PRKN: variants seen among roughly 807,000 people sequenced by gnomAD.
PRKN encodes E3 ubiquitin-protein ligase parkin.
A neutral mutation model predicts 59.5 loss-of-function variants in PRKN; 56 were observed. The observed-to-expected ratio is 0.94, with a 90% CI of 0.76 to 1.18. PRKN has a LOEUF of 1.18. Among genes scored for constraint, PRKN ranks in the 50% most tolerant of loss-of-function variants. PRKN has a pLI of 0.00. For missense variants in PRKN, 657 were observed against 596.4 expected (o/e 1.10, Z -1.06); for synonymous variants, 250 against 222.1 (o/e 1.13, Z -1.12).
chr6:162,396,925 G>A (rs745887662), intron 2 of PRKN, among the ~76,000 whole-genome samples: 12 of 152,082 alleles, frequency 7.9e-5, no homozygotes, highest in Non-Finnish European at 1.8e-4. Flanking sequence ...ACACAGGCAT[G>A]AACACACACA....
rs150607818 is a variant in PRKN, at chr6:161,681,050, G to A, written c.871+104722C>T. On this transcript the variant is annotated intron_variant, in intron 7 of 11. Transcript: ENST00000366898. ...GTCTCTGCTCACTGTAACCTCTACC[G>A]CCTGGGCTCAAGTGATTCTCCTGCC... Among the ~76,000 whole-genome samples, 893 of 151,972 alleles carry A rather than the reference G, an allele frequency of 5.9e-3. 7 individuals carry two copies. Among genetic ancestry groups the A allele is most frequent in the African/African-American group, 0.021 (853 of 41,442 alleles).
chr6:162,687,687 C>G (rs900610999), intron 1 of PRKN, among the ~76,000 whole-genome samples: 6 of 152,118 alleles, frequency 3.9e-5, no homozygotes, highest in African/African-American at 1.4e-4. Context: ...AAAATTATAA[C>G]AATTTGTTAT....
At chr6:162,314,423 T>G (rs1782660541) in intron 2 of PRKN, among the ~76,000 whole-genome samples, 1 of 152,164 alleles carries the variant, frequency 6.6e-6, no homozygotes, top group African/African-American at 2.4e-5. Context: ...CCTTTTGATA[T>G]TCTTCATTGT....
At chr6:162,690,579 G>A (rs1186133129) in intron 1 of PRKN, among the ~76,000 whole-genome samples, 1 of 152,080 alleles carries the variant, frequency 6.6e-6, no homozygotes, top group Admixed American at 6.6e-5. Flanking sequence ...GGAGTTTCAG[G>A]GACCAAGAAA....
chr6:162,412,034 C>G (rs908557853), intron 2 of PRKN, among the ~76,000 whole-genome samples: 4 of 146,048 alleles, frequency 2.7e-5, no homozygotes, highest in Admixed American at 6.8e-5. Context: ...TTTTTTTTTT[C>G]TGATCTGGAA....
intron 3 of PRKN, among the ~76,000 whole-genome samples, chr6:162,257,246 G>A (rs1277601293): frequency 6.6e-6 from 1 of 152,126 alleles, no homozygotes; most frequent in Non-Finnish European, 1.5e-5. Context: ...CGGGGTCAGT[G>A]GATTACCTGA....
chr6:162,493,326 T>C (rs1010611587), intron 1 of PRKN, among the ~76,000 whole-genome samples: 2 of 152,182 alleles, frequency 1.3e-5, no homozygotes, highest in Non-Finnish European at 2.9e-5. Context: ...AAGGAAACTT[T>C]GCTGGGTTTG....
chr6:162,269,610 C>G (rs1220731866), intron 2 of PRKN: 2 of 152,212 alleles, frequency 1.3e-5, no homozygotes, highest in Non-Finnish European at 2.9e-5. Context: ...GGCATACTTA[C>G]TGTACCACTG....
At chr6:162,630,342 CAATT>C (rs1286590864) in intron 1 of PRKN, among the ~76,000 whole-genome samples, 7 of 152,138 alleles carry the variant, frequency 4.6e-5, no homozygotes, top group African/African-American at 1.7e-4. Context: ...AAGCTGCTAT[CAATT>C]ACTTTGATTT....
intron 5 of PRKN, among the ~76,000 whole-genome samples, chr6:162,036,197 G>C (rs566101672): frequency 6.6e-6 from 1 of 151,444 alleles, no homozygotes; most frequent in East Asian, 2.0e-4. Context: ...GGTGGCGGGC[G>C]CCTGTAGTCC....
chr6:161,819,020 G>A (rs376940418), intron 6 of PRKN, among the ~76,000 whole-genome samples: 76 of 152,254 alleles, frequency 5.0e-4, no homozygotes, highest in African/African-American at 1.7e-3. Context: ...TACCCTCAAC[G>A]CACTGCGGTT....
chr6:162,187,384 G>C (rs548576401), intron 4 of PRKN, among the ~76,000 whole-genome samples: 14 of 152,284 alleles, frequency 9.2e-5, no homozygotes, highest in African/African-American at 2.9e-4. Context: ...GACAGTGTCA[G>C]CTGAGTGAGA....
rs570925671 is a variant in PRKN at position 161,965,432 on chromosome 6, G to A, written c.734+7870C>T. On this transcript the variant is annotated intron_variant, in intron 6 of 11. Transcript: ENST00000366898. ...GACTAAGCAAATCGGGCTATTTTTC[G>A]GTCTGCTTCAGCTTTGGAAACTAAG... 6.6e-4 allele frequency among the ~76,000 whole-genome samples: 100 copies of A among 151,888 alleles called. 1 individual carries two copies. Among genetic ancestry groups the A allele is most frequent in the Non-Finnish European group, 1.1e-3 (73 of 68,022 alleles).
At chr6:161,434,723 C>T (rs9347510) in intron 9 of PRKN, among the ~76,000 whole-genome samples, 87,127 of 152,030 alleles carry the variant, frequency 0.57, 25,376 homozygotes, top group East Asian at 0.9. Context: ...ATAGCTGAAG[C>T]AGGGAAAGAA....
At chr6:161,935,744 A>G (rs1779333960) in intron 6 of PRKN, among the ~76,000 whole-genome samples, 1 of 152,178 alleles carries the variant, frequency 6.6e-6, no homozygotes, top group Admixed American at 6.5e-5. Context: ...TGAGCAGTTT[A>G]CAAATTGATA....
chr6:162,269,358 CT>C (rs1780274725), intron 2 of PRKN, among the ~76,000 whole-genome samples: 1 of 152,154 alleles, frequency 6.6e-6, no homozygotes, highest in African/African-American at 2.4e-5. Flanking sequence ...AAGCACATAC[CT>C]AGAAGTGAGG....
chr6:162,082,340 C>T (rs563474871), intron 4 of PRKN, among the ~76,000 whole-genome samples: 39 of 152,000 alleles, frequency 2.6e-4, no homozygotes, highest in Non-Finnish European at 5.0e-4. Flanking sequence ...GTGCATTCAA[C>T]CTCTTTCTTT....
Position 161,471,478 on chromosome 6 carries a change from T to C in PRKN, c.1083+77376A>G, listed in dbSNP as rs532537699. ...CCAAACCAAATCAAAACAACAAATC[T>C]TCAAGACATGAAAAAGAAAGAAATG... On this transcript the variant is annotated intron_variant, in intron 9 of 11. Transcript: ENST00000366898. The surrounding 1 kb of genome is among the most constrained non-coding windows in gnomAD (Gnocchi z 4.5). 6.6e-6 allele frequency among the ~76,000 whole-genome samples: 1 copy of C among 152,316 alleles called. No individual in the cohort carries two copies. Among genetic ancestry groups the C allele is most frequent in the Non-Finnish European group, 1.5e-5 (1 of 68,032 alleles).
At chr6:161,885,474 C>G (rs185199629) in intron 6 of PRKN, among the ~76,000 whole-genome samples, 2,532 of 152,128 alleles carry the variant, frequency 0.017, 70 homozygotes, top group African/African-American at 0.058. Flanking sequence ...ACCATCCTGG[C>G]TAACACAGTG....
Sources: allele counts gnomAD v4.1 joint callset (sites outside exome capture counted in the v4.1 genomes callset), GRCh38; gene constraint gnomAD v4.1.1; non-coding constraint Gnocchi (gnomAD v3.1); transcripts MANE v1.5; gene names NCBI Gene and HGNC (gene_info 2026-07-23, HGNC 2026-07-21).